The following BCL2L11 variants were observed in gnomAD, a reference collection of about 807,000 sequenced individuals.
BCL2L11 encodes bcl-2-like protein 11.
In BCL2L11, 15 loss-of-function variants were observed where a neutral mutation model predicts 20.6. That is an observed-to-expected ratio of 0.73 (90% CI 0.49 to 1.12). The LOEUF is 1.12. Ranked by LOEUF, BCL2L11 falls within the 50% of genes most tolerant of loss-of-function variation. The pLI is 0.00. For synonymous variants in BCL2L11, 108 were observed against 92.8 expected (o/e 1.16, Z -0.94); for missense variants, 292 against 260.9 (o/e 1.12, Z -0.82).
intron 2 of BCL2L11, among the ~76,000 whole-genome samples, chr2:111,131,052 T>C (rs1281027959): frequency 2.0e-5 from 3 of 152,056 alleles, no homozygotes; most frequent in Non-Finnish European, 4.4e-5. Flanking sequence ...TTGAGAGGGG[T>C]CTGTCGTCTT....
intron 2 of BCL2L11, among the ~76,000 whole-genome samples, chr2:111,129,350 G>C (rs1341472979): frequency 1.3e-5 from 2 of 152,154 alleles, no homozygotes; most frequent in Admixed American, 6.5e-5. Flanking sequence ...AGTGGGGAGA[G>C]AAAGTGCTAG....
chr2:111,164,096 A>ATGG, intron 3 of BCL2L11, 37 bp from the exon 4 acceptor site: 1 of 679,948 alleles, frequency 1.5e-6, no homozygotes, highest in Non-Finnish European at 2.6e-6. Context: ...CCCCCAAATT[A>ATGG]GGGAGAAACT....
At chr2:111,158,272 G>C (rs1378603807) in intron 3 of BCL2L11, among the ~76,000 whole-genome samples, 1 of 152,192 alleles carries the variant, frequency 6.6e-6, no homozygotes, top group South Asian at 2.1e-4. Context: ...TGAACGAGTC[G>C]TGGAGTGGTA....
chr2:111,150,385 C>A, intron 3 of BCL2L11: 1 of 647,076 alleles, frequency 1.5e-6, no homozygotes, highest in Non-Finnish European at 2.4e-6. Context: ...TGAGCACAGA[C>A]TTTAAAACAA....
At chr2:111,142,239 T>C in intron 2 of BCL2L11, 3 of 1,303,122 alleles carry the variant, frequency 2.3e-6, no homozygotes, top group Non-Finnish European at 3.3e-6. Context: ...TTCTTTTCCT[T>C]CTGTGACAAA....
At chr2:111,123,378 A>C (rs2071673569) in intron 1 of BCL2L11, 1 of 985,380 alleles carries the variant, frequency 1.0e-6, no homozygotes, top group South Asian at 4.7e-5. Flanking sequence ...AACCCCGGGA[A>C]GTCAGAGCCG....
rs1264465619 is a variant in BCL2L11 at position 111,165,466 on chromosome 2, A to C, written c.*1235A>C. 1 of 152,208 alleles carries C rather than the reference A, an allele frequency of 6.6e-6. No homozygotes were observed. Among genetic ancestry groups the C allele is most frequent in the Admixed American group, 6.5e-5 (1 of 15,282 alleles). The allele number at this position is 152,208 out of a possible 1,614,324, so 9.4% of individuals were successfully genotyped here. On this transcript the variant is annotated 3_prime_UTR_variant, in exon 4 of 4. Coordinates refer to ENST00000393256, the MANE Select transcript of BCL2L11 (RefSeq NM_138621.5). Reference sequence around the variant, plus strand: ...TTCACTTTGAAACAGGCCTCATCCCACTTCCACCAGCACCATAGAAGAATA... The same window carrying C: ...TTCACTTTGAAACAGGCCTCATCCCCCTTCCACCAGCACCATAGAAGAATA...
chr2:111,149,135 C>T (rs1039583190), intron 2 of BCL2L11, among the ~76,000 whole-genome samples: 1 of 152,154 alleles, frequency 6.6e-6, no homozygotes, highest in African/African-American at 2.4e-5. Context: ...CTGAACTGTT[C>T]ACCTCTGAGT....
rs560910887 is a variant in BCL2L11 at position 111,151,272 on chromosome 2, G to A, written c.498+1125G>A. Among the ~76,000 whole-genome samples the A allele has an allele frequency of 4.8e-4, 73 of 152,302 alleles. 1 individual carries two copies. The South Asian group carries it at 9.7e-3, about 20-fold the overall frequency. Reference sequence around the variant, plus strand: ...AGTACCATTGGGAACACCTGTGACTGCTTCCGCTAAAGGGTACACTAGCAA... The same window carrying A: ...AGTACCATTGGGAACACCTGTGACTACTTCCGCTAAAGGGTACACTAGCAA... On this transcript the variant is annotated intron_variant, in intron 3 of 3. Transcript: ENST00000393256.
At chr2:111,156,579 T>C (rs1043750898) in intron 3 of BCL2L11, among the ~76,000 whole-genome samples, 6 of 152,124 alleles carry the variant, frequency 3.9e-5, no homozygotes, top group Non-Finnish European at 8.8e-5. Flanking sequence ...CCTCAGACTT[T>C]TGGGAGAACA....
intron 2 of BCL2L11, among the ~76,000 whole-genome samples, chr2:111,135,782 A>T (rs2074769253): frequency 6.6e-6 from 1 of 152,146 alleles, no homozygotes; most frequent in African/African-American, 2.4e-5. Context: ...TCAACTAACT[A>T]ACCCCACCTT....
chr2:111,164,077 C>A (rs2078900918), intron 3 of BCL2L11, 56 bp from the exon 4 acceptor site: 1 of 722,592 alleles, frequency 1.4e-6, no homozygotes, highest in Non-Finnish European at 2.5e-6. Context: ...GGGCTCCCAC[C>A]CCTCCCCACC....
intron 3 of BCL2L11, among the ~76,000 whole-genome samples, chr2:111,150,627 C>T (rs1201215491): frequency 6.6e-6 from 1 of 152,180 alleles, no homozygotes; most frequent in Non-Finnish European, 1.5e-5. Context: ...GAGCCATTGC[C>T]CTTGCAGAGC....
chr2:111,140,304 T>C (rs1575050245), intron 2 of BCL2L11, among the ~76,000 whole-genome samples: 1 of 152,326 alleles, frequency 6.6e-6, no homozygotes, highest in Middle Eastern at 3.4e-3. Context: ...GTGTGTTAAA[T>C]GGAAACACGT....
intron 3 of BCL2L11, among the ~76,000 whole-genome samples, chr2:111,156,192 T>C (rs553843826): frequency 6.6e-6 from 1 of 152,338 alleles, no homozygotes; most frequent in Admixed American, 6.5e-5. Context: ...GAGGTCTTCA[T>C]TAATTGAATG....
chr2:111,141,764 T>C (rs2075860199), intron 2 of BCL2L11, among the ~76,000 whole-genome samples: 1 of 151,380 alleles, frequency 6.6e-6, no homozygotes, highest in Non-Finnish European at 1.5e-5. Flanking sequence ...AATGGTGCCA[T>C]CTGAGCTCAC....
At position 111,143,327 on chromosome 2, in the gene BCL2L11, G is replaced by A. The variant is rs75543804; in HGVS notation, c.395-6717G>A. On this transcript the variant is annotated intron_variant, in intron 2 of 3. Coordinates refer to ENST00000393256, the MANE Select transcript of BCL2L11 (RefSeq NM_138621.5). The stretch of plus-strand genomic sequence containing the variant: ...ACTGTCACACACTATTCAGAGCAGC[G>A]ATTTCAGGAGCACACCAAGGCGGGC... 5.9e-5 allele frequency among the ~76,000 whole-genome samples: 9 copies of A among 152,230 alleles called. 1 individual carries two copies. Among genetic ancestry groups the A allele is most frequent in the African/African-American group, 2.2e-4 (9 of 41,522 alleles).
chr2:111,152,980 T>C (rs2077418528), intron 3 of BCL2L11, among the ~76,000 whole-genome samples: 1 of 152,216 alleles, frequency 6.6e-6, no homozygotes, highest in Admixed American at 6.5e-5. Context: ...GACTTTAGCT[T>C]TGTTAGTAGG....
intron 3 of BCL2L11, among the ~76,000 whole-genome samples, chr2:111,156,928 C>T (rs2077938147): frequency 6.6e-6 from 1 of 152,138 alleles, no homozygotes; most frequent in Non-Finnish European, 1.5e-5. Context: ...AGGGAGATGC[C>T]AGGAACTCTG....
Sources: allele counts gnomAD v4.1 joint callset (sites outside exome capture counted in the v4.1 genomes callset), GRCh38; gene constraint gnomAD v4.1.1; transcripts MANE v1.5; gene names NCBI Gene and HGNC (gene_info 2026-07-23, HGNC 2026-07-21).